Variants in SIPA1L3 observed in about 807,000 individuals in gnomAD.
SIPA1L3 encodes signal-induced proliferation-associated 1-like protein 3.
In SIPA1L3, 59 loss-of-function variants were observed where a neutral mutation model predicts 150.1. That is an observed-to-expected ratio of 0.39 (90% CI 0.32 to 0.49). The LOEUF is 0.49. Ranked by LOEUF, SIPA1L3 falls within the 20% of genes least tolerant of loss-of-function variation. The pLI is 0.86. For synonymous variants in SIPA1L3, 1,070 were observed against 1,077.6 expected, an observed-to-expected ratio of 0.99 and a Z score of 0.14; for missense variants, 2,211 against 2,489.5, an observed-to-expected ratio of 0.89 and a Z score of 2.38.
chr19:38,160,636 T>G (rs1972061517), intron 13 of SIPA1L3, among the ~76,000 whole-genome samples: 1 of 148,042 alleles, frequency 6.8e-6, no homozygotes. Flanking sequence ...ACTCTTGACC[T>G]CGTGCTCTGC....
At chr19:38,074,072 G>A (rs1198737565) in intron 2 of SIPA1L3, among the ~76,000 whole-genome samples, 4 of 152,204 alleles carry the variant, frequency 2.6e-5, no homozygotes, top group Admixed American at 6.5e-5. Context: ...CTCTCATCAC[G>A]GGGGTTCCCC....
intron 10 of SIPA1L3, 28 bp downstream of exon 10, chr19:38,130,800 G>A: frequency 6.4e-7 from 1 of 1,571,078 alleles, no homozygotes; most frequent in Non-Finnish European, 8.7e-7. Context: ...TCAGCCAGGT[G>A]GTGGGTGGCA....
chr19:37,990,044 T>C (rs1385047122), intron 1 of SIPA1L3, among the ~76,000 whole-genome samples: 5 of 151,966 alleles, frequency 3.3e-5, no homozygotes, highest in African/African-American at 9.7e-5. Flanking sequence ...ATATTTAGGG[T>C]TTCACCTGGT....
At chr19:38,005,782 C>T (rs1568498267) in intron 1 of SIPA1L3, among the ~76,000 whole-genome samples, 1 of 152,236 alleles carries the variant, frequency 6.6e-6, no homozygotes, top group East Asian at 1.9e-4. Flanking sequence ...TTGCCTGTCA[C>T]TCAGCTAGGA....
intron 1 of SIPA1L3, among the ~76,000 whole-genome samples, chr19:37,969,771 T>C (rs572303437): frequency 6.6e-5 from 10 of 152,290 alleles, no homozygotes; most frequent in Non-Finnish European, 1.2e-4. Context: ...AGCCTTCTCG[T>C]TCTTATCCCT....
chr19:38,078,555 C>G (rs768789761), intron 2 of SIPA1L3, among the ~76,000 whole-genome samples: 1 of 150,828 alleles, frequency 6.6e-6, no homozygotes, highest in African/African-American at 2.4e-5. Flanking sequence ...CACACAGACA[C>G]GCACACAGAC....
intron 7 of SIPA1L3, 75 bp downstream of exon 7, chr19:38,106,715 G>T (rs1246437429): frequency 2.0e-6 from 2 of 999,598 alleles, no homozygotes; most frequent in Non-Finnish European, 3.2e-6. Flanking sequence ...TCCCAGTTCT[G>T]TCCTGTGGAT....
At position 37,967,897 on chromosome 19, in the gene SIPA1L3, G is replaced by A. The variant is rs139494564; in HGVS notation, c.-379+60539G>A. On this transcript the variant is annotated intron_variant, in intron 1 of 21. Coordinates refer to ENST00000222345, the MANE Select transcript of SIPA1L3 (RefSeq NM_015073.3). ...TAGTCTCAAACTCCCGAGCTCAAGC[G>A]ATCCACCCGCCTCAGCCTCACAAAG... 9.1e-3 allele frequency among the ~76,000 whole-genome samples: 1,381 copies of A among 152,156 alleles called. 8 individuals carry two copies. The highest frequency in any genetic ancestry group is 0.015 in the Non-Finnish European group (1,006 of 68,018).
At chr19:37,962,248 A>G (rs2046865159) in intron 1 of SIPA1L3, among the ~76,000 whole-genome samples, 1 of 151,140 alleles carries the variant, frequency 6.6e-6, no homozygotes, top group African/African-American at 2.4e-5. Context: ...AGTTCAAGCA[A>G]TTCTCCTGCC....
rs202040112 is a variant in SIPA1L3 at position 38,082,377 on chromosome 19, T to G, written c.812T>G (p.Leu271Arg). The change falls in exon 3 of 22, where the codon CTC becomes CGC. Residue 271 changes from leucine (L) to arginine (R), a missense_variant. This residue lies in a region of SIPA1L3 where 587 missense variants were observed against 534.5 expected (regional missense o/e 1.10). Transcript: ENST00000222345. The stretch of plus-strand genomic sequence containing the variant: ...AACGGGCAGCCCGCCAAGGACAGCC[T>G]CCTGCCACTGCAGCCCACGAAGGAG... ...SHNGQPAKDS[L>R]LPLQPTKEKE... The G allele has an allele frequency of 6.3e-7, 1 of 1,596,756 alleles. No homozygotes were observed. Among genetic ancestry groups the G allele is most frequent in the Non-Finnish European group, 8.5e-7 (1 of 1,177,894 alleles).
At chr19:38,155,532 C>A (rs538049200) in intron 13 of SIPA1L3, among the ~76,000 whole-genome samples, 25 of 152,266 alleles carry the variant, frequency 1.6e-4, no homozygotes, top group African/African-American at 6.0e-4. Context: ...AAACTTGTAG[C>A]CCCTTTGAAG....
intron 1 of SIPA1L3, among the ~76,000 whole-genome samples, chr19:37,967,254 AC>A (rs2046912172): frequency 7.9e-6 from 1 of 126,734 alleles, no homozygotes; most frequent in South Asian, 2.5e-4. Context: ...GTTCCCCCCC[AC>A]CCTTTTTTTT....
intron 21 of SIPA1L3, among the ~76,000 whole-genome samples, chr19:38,205,360 GGGA>G (rs1973186069): frequency 6.6e-6 from 1 of 151,722 alleles, no homozygotes; most frequent in Admixed American, 6.6e-5. Context: ...TGGGAAGCTG[GGGA>G]GGAGAATTGC....
intron 16 of SIPA1L3, among the ~76,000 whole-genome samples, chr19:38,187,315 G>A (rs545233667): frequency 1.3e-5 from 2 of 151,448 alleles, no homozygotes; most frequent in African/African-American, 4.9e-5. Flanking sequence ...AGCCAGGTGT[G>A]GTGGCAGGCA....
intron 1 of SIPA1L3, among the ~76,000 whole-genome samples, chr19:37,972,958 A>G (rs796735293): frequency 4.6e-5 from 7 of 152,196 alleles, no homozygotes; most frequent in African/African-American, 1.4e-4. Flanking sequence ...CTTCCCTGTG[A>G]TCCTGATTAG....
chr19:38,082,109 G>C lies in SIPA1L3; in HGVS notation c.544G>C (p.Glu182Gln), dbSNP rs754475504. 1.2e-6 allele frequency: 2 copies of C among 1,608,448 alleles called. No homozygotes were observed. The highest frequency in any genetic ancestry group is 1.7e-6 in the Non-Finnish European group (2 of 1,179,142). ...SEITLSECDA[E>Q]DAGEPRGARH... The stretch of plus-strand genomic sequence containing the variant: ...GATCACCCTCAGCGAGTGTGACGCG[G>C]AGGACGCGGGGGAGCCGCGGGGGGC... The change falls in exon 3 of 22, where the codon GAG (glutamate) becomes CAG (glutamine). Residue 182 changes from glutamate to glutamine, a missense_variant. Glu to Gln is a conservative substitution (Grantham distance 29, BLOSUM62 2). Around this residue, in one of 5 missense-constraint regions of SIPA1L3, gnomAD observed 587 missense variants for 534.5 expected, o/e 1.10. Coordinates refer to ENST00000222345, the MANE Select transcript of SIPA1L3 (RefSeq NM_015073.3).
At chr19:38,145,523 A>G (rs1218322879) in intron 12 of SIPA1L3, among the ~76,000 whole-genome samples, 2 of 146,972 alleles carry the variant, frequency 1.4e-5, no homozygotes, top group Non-Finnish European at 3.0e-5. Context: ...ACAGGAGCAA[A>G]AACTCCGTCT....
Position 37,941,180 on chromosome 19 carries a change from T to G in SIPA1L3, c.-379+33822T>G, listed in dbSNP as rs374450449. Among the ~76,000 whole-genome samples, 10 of 151,850 alleles carry G rather than the reference T, an allele frequency of 6.6e-5. No individual in the cohort carries two copies. In the East Asian group the frequency reaches 1.9e-3, roughly 29 times the overall value. On this transcript the variant is annotated intron_variant, in intron 1 of 21. Transcript: ENST00000222345. ...CCTCCTAGGTGTTGCTGTGTATCCGTTAGGGATGTAAAGCTGGGGGCCCCT... is the reference window on the plus strand; with the variant it reads ...CCTCCTAGGTGTTGCTGTGTATCCGGTAGGGATGTAAAGCTGGGGGCCCCT...
At chr19:38,002,142 C>T (rs761636893) in intron 1 of SIPA1L3, among the ~76,000 whole-genome samples, 16 of 152,174 alleles carry the variant, frequency 1.1e-4, no homozygotes, top group Non-Finnish European at 1.9e-4. Flanking sequence ...ATCATCCATC[C>T]ACAGAACATT....
Sources: gnomAD v4.1 joint callset for allele counts (sites outside exome capture counted in the v4.1 genomes callset) on GRCh38, gnomAD v4.1.1 for gene constraint, gnomAD v4.1.1 regional missense constraint, MANE v1.5 for transcripts, NCBI Gene and HGNC (gene_info 2026-07-23, HGNC 2026-07-21) for gene names.